The following PTPRA variants were observed in gnomAD, a reference collection of about 807,000 sequenced individuals.
PTPRA encodes receptor-type tyrosine-protein phosphatase alpha.
In PTPRA, 25 loss-of-function variants were observed where a neutral mutation model predicts 104.8. The observed-to-expected ratio is 0.24, with a 90% CI of 0.17 to 0.33. PTPRA has a LOEUF of 0.33. Ranked by LOEUF, PTPRA falls within the 10% of genes least tolerant of loss-of-function variation. PTPRA has a pLI of 1.00. For synonymous variants in PTPRA, 323 were observed against 368.9 expected (o/e 0.88, Z 1.43); for missense variants, 765 against 1,015.3 (o/e 0.75, Z 3.35).
chr20:3,006,572 T>G (rs2063883396), intron 10 of PTPRA, among the ~76,000 whole-genome samples: 2 of 152,238 alleles, frequency 1.3e-5, no homozygotes, highest in Admixed American at 6.5e-5. Flanking sequence ...CTGCTCACAT[T>G]TTTATAAGTG....
chr20:2,973,402 G>A (rs1208799381), intron 5 of PTPRA, among the ~76,000 whole-genome samples: 1 of 152,138 alleles, frequency 6.6e-6, no homozygotes, highest in Non-Finnish European at 1.5e-5. Flanking sequence ...TCCCATAGGT[G>A]TTTCTATAGG....
intron 1 of PTPRA, among the ~76,000 whole-genome samples, chr20:2,885,397 A>G (rs1243061669): frequency 6.6e-6 from 1 of 152,230 alleles, no homozygotes; most frequent in Non-Finnish European, 1.5e-5. Context: ...ATGTGTTTCT[A>G]AAAACATTTC....
rs35272226 is a variant in PTPRA, at chr20:2,914,445, CTGTGTGTGTGTGTGTG to C, written c.-128-8742_-128-8727del. Among the ~76,000 whole-genome samples the C allele has an allele frequency of 0.01, 1,470 of 145,712 alleles. 62 individuals carry two copies. In the East Asian group the frequency reaches 0.13, roughly 13 times the overall value. On this transcript the variant is annotated intron_variant, in intron 1 of 23. Coordinates refer to ENST00000399903, the MANE Select transcript of PTPRA (RefSeq NM_001385305.1). ...TAGACTCATTTTTTTATTTCTTGCT[CTGTGTGTGTGTGTGTG>C]TGTGTGTGTGTGTGTGTGTACTGTG...
At chr20:2,909,408 C>T (rs1872358327) in intron 1 of PTPRA, among the ~76,000 whole-genome samples, 1 of 152,038 alleles carries the variant, frequency 6.6e-6, no homozygotes, top group South Asian at 2.1e-4. Context: ...CATGGCGAAA[C>T]CACGTCTCTA....
In PTPRA at chr20:2,970,014, A is replaced by G. The variant is rs534872587; in HGVS notation, c.415+4812A>G. ...TAAATAACTCCTTTTACAAAAGCAT[A>G]TATATTCATTTTTTCCATTTATAAT... is the stretch of plus-strand genomic sequence containing the variant. On this transcript the variant is annotated intron_variant, in intron 5 of 23. Coordinates refer to ENST00000399903, the MANE Select transcript of PTPRA (RefSeq NM_001385305.1). Among the ~76,000 whole-genome samples the G allele has an allele frequency of 1.4e-4, 19 of 138,824 alleles. No homozygotes were observed. The South Asian group carries it at 4.2e-3, about 31-fold the overall frequency. 91.1% of individuals were successfully genotyped at this position (138,824 alleles called of 152,430 possible). A position where few individuals can be genotyped will look rare whatever the true frequency, so the allele number is the denominator to read the frequency against.
In PTPRA at chr20:3,024,575, A is replaced by G. The variant is rs771014282; in HGVS notation, c.1568A>G (p.Asn523Ser). 2.9e-5 allele frequency: 47 copies of G among 1,614,066 alleles called. 3 individuals are homozygous for G. In the South Asian group the frequency reaches 4.9e-4, roughly 17 times the overall value. Residue 523 changes from asparagine to serine, a missense_variant, in exon 17 of 24, where the codon AAC becomes AGC. Transcript: ENST00000399903. Reference protein sequence around the residue: ...SLETHLQKIYNKIPGTSNNGL... With the variant: ...SLETHLQKIYSKIPGTSNNGL... ...GAAACCCACCTGCAGAAAATTTACA[A>G]CAAAATCCCAGGGACCAGCAACAAT...
chr20:2,947,913 G>A (rs897264952), intron 2 of PTPRA, 69 bp from the exon 3 acceptor site: 50 of 637,248 alleles, frequency 7.8e-5, no homozygotes, highest in Non-Finnish European at 1.1e-4. Flanking sequence ...TCTGTCAATA[G>A]GAGGTTGATG....
chr20:2,966,291 C>G (rs1241798649), intron 5 of PTPRA, among the ~76,000 whole-genome samples: 1 of 152,210 alleles, frequency 6.6e-6, no homozygotes, highest in Non-Finnish European at 1.5e-5. Flanking sequence ...TATGGCATAG[C>G]TGGCTTACTT....
intron 16 of PTPRA, among the ~76,000 whole-genome samples, chr20:3,023,248 G>A (rs513890): frequency 0.62 from 94,435 of 152,132 alleles, 31,291 homozygotes; most frequent in African/African-American, 0.85. Context: ...AGGCCGCAGG[G>A]ACCTCTGCCC....
chr20:2,915,921 C>T (rs563613269), intron 1 of PTPRA, among the ~76,000 whole-genome samples: 2 of 152,260 alleles, frequency 1.3e-5, no homozygotes, highest in South Asian at 4.2e-4. Flanking sequence ...TTGCAGTGAG[C>T]CGAGATTGCA....
chr20:3,035,993 TA>T lies in PTPRA; in HGVS notation c.2198+53del, dbSNP rs1221266383. ...GAGAGAGAAAGCGAGGAGGGGCAGATAGGGGAAGCTGATGACCATGGGTCAG... is the reference window on the plus strand; with the variant it reads ...GAGAGAGAAAGCGAGGAGGGGCAGATGGGGAAGCTGATGACCATGGGTCAG... On this transcript the variant is annotated intron_variant, in intron 22 of 23. Coordinates refer to ENST00000399903, the MANE Select transcript of PTPRA (RefSeq NM_001385305.1). The surrounding 1 kb of genome is among the most constrained non-coding windows in gnomAD (Gnocchi z 5.8). 2 of 1,609,828 alleles carry T rather than the reference TA, an allele frequency of 1.2e-6. No homozygotes were observed. The highest frequency in any genetic ancestry group is 8.5e-7 in the Non-Finnish European group (1 of 1,178,450).
chr20:2,902,875 T>G (rs1006085210), intron 1 of PTPRA, among the ~76,000 whole-genome samples: 1 of 152,156 alleles, frequency 6.6e-6, no homozygotes, highest in Admixed American at 6.6e-5. Flanking sequence ...AACCCACTAA[T>G]GAAATGAAAA....
intron 1 of PTPRA, among the ~76,000 whole-genome samples, chr20:2,889,550 A>G (rs2058717486): frequency 6.6e-6 from 1 of 152,228 alleles, no homozygotes; most frequent in Non-Finnish European, 1.5e-5. Flanking sequence ...TAAAAAACAC[A>G]TACCCTAAAC....
intron 2 of PTPRA, among the ~76,000 whole-genome samples, chr20:2,942,977 T>C (rs1392809387): frequency 6.6e-6 from 1 of 151,872 alleles, no homozygotes. Context: ...ACAATACTTA[T>C]AATAATATGC....
At chr20:2,931,334 C>T (rs970041292) in intron 2 of PTPRA, among the ~76,000 whole-genome samples, 10 of 152,000 alleles carry the variant, frequency 6.6e-5, no homozygotes, top group African/African-American at 1.7e-4. Flanking sequence ...AAACTGGCAC[C>T]GGAGAGTCTG....
intron 3 of PTPRA, among the ~76,000 whole-genome samples, chr20:2,957,799 A>G (rs923037779): frequency 3.9e-5 from 6 of 151,970 alleles, no homozygotes; most frequent in Non-Finnish European, 8.8e-5. Flanking sequence ...GTGTGGGAGG[A>G]GATGGTTAGA....
chr20:2,869,115 G>T (rs1193843061), upstream of PTPRA, among the ~76,000 whole-genome samples: 1 of 152,160 alleles, frequency 6.6e-6, no homozygotes, highest in African/African-American at 2.4e-5. Context: ...CATACAGCCA[G>T]GTAGAAATAA....
chr20:3,005,048 C>T lies in PTPRA; in HGVS notation c.739-8C>T. 1.3e-6 allele frequency: 2 copies of T among 1,588,508 alleles called. No homozygotes were observed. The highest frequency in any genetic ancestry group is 2.2e-5 in the South Asian group (2 of 90,430). ...TAATAATTCCTCTAATTTCTCTTAACCTTTCAGGCTCTCCCTGCATGTCCT... is the reference window on the plus strand; with the variant it reads ...TAATAATTCCTCTAATTTCTCTTAATCTTTCAGGCTCTCCCTGCATGTCCT... On this transcript the variant is annotated splice_region_variant and splice_polypyrimidine_tract_variant and intron_variant, in intron 9 of 23. Transcript: ENST00000399903.
At chr20:2,932,079 A>G (rs953250503) in intron 2 of PTPRA, among the ~76,000 whole-genome samples, 3 of 152,186 alleles carry the variant, frequency 2.0e-5, no homozygotes, top group Admixed American at 6.5e-5. Context: ...TGATGTGTGA[A>G]TGGTAGAAGA....
Sources: gnomAD v4.1 joint callset for allele counts (sites outside exome capture counted in the v4.1 genomes callset) on GRCh38, gnomAD v4.1.1 for gene constraint, Gnocchi (gnomAD v3.1) non-coding constraint, MANE v1.5 for transcripts, NCBI Gene and HGNC (gene_info 2026-07-23, HGNC 2026-07-21) for gene names.